Variants in EYS observed in about 807,000 individuals in gnomAD.
EYS encodes the protein protein eyes shut homolog.
In EYS, 250 loss-of-function variants were observed where a neutral mutation model predicts 282.1. That is an observed-to-expected ratio of 0.89 (90% CI 0.80 to 0.98). The LOEUF (loss-of-function observed/expected upper bound fraction) is 0.98. Ranked by LOEUF, EYS falls within the 50% of genes least tolerant of loss-of-function variation. The pLI, the probability that EYS is intolerant of heterozygous loss-of-function variation, is 0.00. For synonymous variants in EYS, 1,355 were observed against 1,282.9 expected, an observed-to-expected ratio of 1.06 and a Z score of -1.20; for missense variants, 4,016 against 3,709.0, an observed-to-expected ratio of 1.08 and a Z score of -2.15.
intron 21 of EYS, among the ~76,000 whole-genome samples, chr6:64,818,511 G>C (rs945097380): frequency 1.3e-5 from 2 of 152,112 alleles, no homozygotes; most frequent in Admixed American, 1.3e-4. Context: ...GAGGAGCAAG[G>C]AAGCCAGTCC....
At chr6:64,856,086 T>G (rs995606322) in intron 19 of EYS, among the ~76,000 whole-genome samples, 2 of 152,162 alleles carry the variant, frequency 1.3e-5, no homozygotes, top group Admixed American at 6.5e-5. Flanking sequence ...TATACACAAT[T>G]TTATGTGATA....
intron 35 of EYS, among the ~76,000 whole-genome samples, chr6:63,870,878 T>C (rs1185615219): frequency 6.6e-6 from 1 of 152,196 alleles, no homozygotes; most frequent in Non-Finnish European, 1.5e-5. Context: ...TAAGGGACAA[T>C]ATAAAATTCA....
intron 21 of EYS, among the ~76,000 whole-genome samples, chr6:64,818,926 C>T (rs1764819744): frequency 1.3e-5 from 2 of 152,112 alleles, no homozygotes; most frequent in Admixed American, 6.5e-5. Flanking sequence ...CAATATTAAC[C>T]ATCACAGCAA....
At chr6:65,371,727 CTCTCTCTCTCTCTCTG>C (rs70999199) in intron 8 of EYS, among the ~76,000 whole-genome samples, 17,867 of 128,124 alleles carry the variant, frequency 0.14, 1,020 homozygotes, top group South Asian at 0.23. Context: ...CTCTCTCTCT[CTCTCTCTCTCTCTCTG>C]TGTGTGTGTG....
chr6:63,979,130 G>T (rs1028223720), intron 35 of EYS, among the ~76,000 whole-genome samples: 1 of 151,966 alleles, frequency 6.6e-6, no homozygotes, highest in African/African-American at 2.4e-5. Flanking sequence ...GCAGTGGTCT[G>T]CAAATGATAG....
At chr6:64,138,947 T>C (rs543882407) in intron 31 of EYS, among the ~76,000 whole-genome samples, 4 of 152,296 alleles carry the variant, frequency 2.6e-5, no homozygotes, top group Admixed American at 2.0e-4. Flanking sequence ...TTCTCAAAGA[T>C]ACCTCCAAAG....
intron 12 of EYS, among the ~76,000 whole-genome samples, chr6:65,180,984 C>T (rs62407237): frequency 0.2 from 30,034 of 151,744 alleles, 3,176 homozygotes; most frequent in Middle Eastern, 0.24. Context: ...TAAATGGTGC[C>T]GGGAAAACTG....
intron 22 of EYS, among the ~76,000 whole-genome samples, chr6:64,790,850 C>T (rs1774167920): frequency 6.6e-6 from 1 of 151,750 alleles, no homozygotes; most frequent in South Asian, 2.1e-4. Context: ...TTTTCTTATT[C>T]TTTTTATTTA....
At position 64,230,740 on chromosome 6, in the gene EYS, A is replaced by G; in HGVS notation, c.6276T>C (p.Ser2092=). 6.4e-7 allele frequency: 1 copy of G among 1,551,656 alleles called. No homozygotes were observed. Among genetic ancestry groups the G allele is most frequent in the Non-Finnish European group, 8.7e-7 (1 of 1,146,906 alleles). The change falls in exon 31 of 43, where the codon TCT becomes TCC. Residue 2092 remains serine, a synonymous_variant. Transcript: ENST00000503581. ...AGGGTGCTGCAACAGAGGGGCTGAC[A>G]GAAGTCCACATGGTATCAACCCCTT... ...VTQGVDTMWT[S]VSPSVAAPSV... is the part of the protein sequence containing the mutation.
intron 34 of EYS, among the ~76,000 whole-genome samples, chr6:63,989,369 A>G (rs1239021276): frequency 1.3e-5 from 2 of 151,690 alleles, no homozygotes; most frequent in African/African-American, 2.4e-5. Context: ...TTCACATGTT[A>G]AAAAAGCTTA....
At chr6:63,784,415 G>A (rs76331729) in intron 39 of EYS, among the ~76,000 whole-genome samples, 2,353 of 152,296 alleles carry the variant, frequency 0.015, 48 homozygotes, top group South Asian at 0.088. Context: ...AGGGGTGTTA[G>A]TCCATTCTCA....
At chr6:64,290,284 A>C (rs1317128407) in intron 30 of EYS, among the ~76,000 whole-genome samples, 1 of 152,100 alleles carries the variant, frequency 6.6e-6, no homozygotes, top group Admixed American at 6.6e-5. Flanking sequence ...TGAGTTCCTT[A>C]ATGACAGGGA....
chr6:64,926,625 T>C (rs1211869221), intron 15 of EYS, among the ~76,000 whole-genome samples: 1 of 152,194 alleles, frequency 6.6e-6, no homozygotes, highest in Non-Finnish European at 1.5e-5. Flanking sequence ...CATGAGTTGT[T>C]ACCTGCATTT....
At chr6:64,469,547 G>A (rs951615149) in intron 26 of EYS, among the ~76,000 whole-genome samples, 4 of 152,112 alleles carry the variant, frequency 2.6e-5, no homozygotes, top group Admixed American at 6.5e-5. Flanking sequence ...ACAAGAGTGC[G>A]AGCCTTCTGT....
intron 37 of EYS, among the ~76,000 whole-genome samples, chr6:63,794,321 A>C (rs1478537209): frequency 2.0e-5 from 3 of 152,190 alleles, no homozygotes; most frequent in Non-Finnish European, 4.4e-5. Context: ...GGAAGCAGGC[A>C]TTCCTGGCTC....
intron 4 of EYS, among the ~76,000 whole-genome samples, chr6:65,492,273 G>A (rs533226619): frequency 2.1e-4 from 32 of 151,742 alleles, no homozygotes; most frequent in African/African-American, 4.8e-4. Flanking sequence ...AAAGCTTAAC[G>A]ATTTAAAGCA....
intron 22 of EYS, among the ~76,000 whole-genome samples, chr6:64,664,189 A>G (rs1165123121): frequency 1.3e-5 from 2 of 152,176 alleles, no homozygotes; most frequent in African/African-American, 4.8e-5. Flanking sequence ...CTCCCATACA[A>G]TGGGAGGGGA....
intron 30 of EYS, among the ~76,000 whole-genome samples, chr6:64,303,692 T>G (rs1179688515): frequency 6.6e-6 from 1 of 151,310 alleles, no homozygotes. Flanking sequence ...AATACAAAAA[T>G]TAGCCGGGCA....
chr6:63,816,319 G>T (rs1019660636), intron 36 of EYS, among the ~76,000 whole-genome samples: 6 of 152,028 alleles, frequency 3.9e-5, no homozygotes, highest in African/African-American at 1.4e-4. Context: ...AAGATGACTG[G>T]AATAATTAAG....
Sources: allele counts gnomAD v4.1 joint callset (sites outside exome capture counted in the v4.1 genomes callset), GRCh38; gene constraint gnomAD v4.1.1; transcripts MANE v1.5; gene names NCBI Gene and HGNC (gene_info 2026-07-23, HGNC 2026-07-21).